The following THSD7A variants were observed in gnomAD, a reference collection of about 807,000 sequenced individuals.
THSD7A encodes thrombospondin type-1 domain-containing protein 7A.
In THSD7A, 96 loss-of-function variants were observed where a neutral mutation model predicts 231.3. That is an observed-to-expected ratio of 0.41 (90% CI 0.35 to 0.49). THSD7A has a LOEUF of 0.49. Among genes scored for constraint, THSD7A ranks in the 20% least tolerant of loss-of-function variants. THSD7A has a pLI of 0.05. For synonymous variants in THSD7A, 940 were observed against 743.3 expected, an observed-to-expected ratio of 1.26 and a Z score of -4.30; for missense variants, 2,290 against 2,070.2, an observed-to-expected ratio of 1.11 and a Z score of -2.06.
At chr7:11,712,834 CAA>C (rs1433758233) in intron 1 of THSD7A, among the ~76,000 whole-genome samples, 1 of 150,924 alleles carries the variant, frequency 6.6e-6, no homozygotes, top group Non-Finnish European at 1.5e-5. Flanking sequence ...AATTTTCTGA[CAA>C]GTTTTCTTAA....
intron 23 of THSD7A, among the ~76,000 whole-genome samples, chr7:11,383,535 G>A (rs1221252707): frequency 6.6e-6 from 1 of 151,866 alleles, no homozygotes; most frequent in South Asian, 2.1e-4. Context: ...CCTGCAAAAG[G>A]TGACAATTTA....
At chr7:11,665,719 C>A (rs2128375382) in intron 1 of THSD7A, among the ~76,000 whole-genome samples, 1 of 152,156 alleles carries the variant, frequency 6.6e-6, no homozygotes, top group African/African-American at 2.4e-5. Flanking sequence ...GGCTCAGTCA[C>A]CTTTTAGCTG....
At chr7:11,705,565 A>G (rs1386820634) in intron 1 of THSD7A, among the ~76,000 whole-genome samples, 1 of 150,946 alleles carries the variant, frequency 6.6e-6, no homozygotes, top group African/African-American at 2.4e-5. Flanking sequence ...CTGCCACACA[A>G]AAGGACAGGG....
chr7:11,729,275 G>A, intron 1 of THSD7A, among the ~76,000 whole-genome samples: 1 of 151,736 alleles, frequency 6.6e-6, no homozygotes. Context: ...AAGATGTGTG[G>A]AGGAAGTTAT....
rs1284184340 is a variant in THSD7A, at chr7:11,447,293, A to C, written c.2737T>G (p.Ser913Ala). Reference protein sequence around the residue: ...CQDDCQLTSWSKFSSCNGDCG... With the variant: ...CQDDCQLTSWAKFSSCNGDCG... ...TCTCCATTGCATGAAGAAAACTTGG[A>C]CCAGCTGGTCAATTGACAGTCATCC... The change falls in exon 12 of 28, where the codon TCC becomes GCC. Residue 913 changes from serine to alanine, a missense_variant. Coordinates refer to ENST00000423059, the MANE Select transcript of THSD7A (RefSeq NM_015204.3). The C allele has an allele frequency of 6.2e-7, 1 of 1,613,074 alleles. No homozygotes were observed. Among genetic ancestry groups the C allele is most frequent in the Admixed American group, 1.7e-5 (1 of 59,844 alleles).
At chr7:11,618,370 T>G (rs1781180587) in intron 2 of THSD7A, among the ~76,000 whole-genome samples, 1 of 152,204 alleles carries the variant, frequency 6.6e-6, no homozygotes, top group Non-Finnish European at 1.5e-5. Flanking sequence ...TAGAAATCAT[T>G]TTCTAAAAAT....
rs368933254 is a variant in THSD7A at position 11,677,939 on chromosome 7, T to C, written c.191-40978A>G. Among the ~76,000 whole-genome samples the C allele has an allele frequency of 5.3e-5, 8 of 152,212 alleles. No homozygotes were observed. The South Asian group carries it at 1.0e-3, about 20-fold the overall frequency. On this transcript the variant is annotated intron_variant, in intron 1 of 27. Coordinates refer to ENST00000423059, the MANE Select transcript of THSD7A (RefSeq NM_015204.3). The stretch of plus-strand genomic sequence containing the variant: ...ACTTATTCTAAAATCAACCACATAA[T>C]TGGAAGTAAAACACTCCTCAGCAAA...
chr7:11,520,802 C>A (rs1190825843), intron 6 of THSD7A, among the ~76,000 whole-genome samples: 1 of 152,094 alleles, frequency 6.6e-6, no homozygotes, highest in African/African-American at 2.4e-5. Context: ...TGTGCTCAAC[C>A]ACAGAAGCCT....
At chr7:11,667,064 T>C (rs1783163747) in intron 1 of THSD7A, among the ~76,000 whole-genome samples, 1 of 152,164 alleles carries the variant, frequency 6.6e-6, no homozygotes, top group Admixed American at 6.6e-5. Flanking sequence ...CAAATTTTTT[T>C]ATTTCAATAG....
intron 13 of THSD7A, among the ~76,000 whole-genome samples, chr7:11,439,915 A>G (rs1478430556): frequency 6.6e-6 from 1 of 152,110 alleles, no homozygotes; most frequent in East Asian, 1.9e-4. Context: ...AGATTTTTCA[A>G]TGTAGATGAA....
chr7:11,817,694 A>G (rs979096163), intron 1 of THSD7A, among the ~76,000 whole-genome samples: 3 of 152,234 alleles, frequency 2.0e-5, no homozygotes, highest in African/African-American at 7.2e-5. Context: ...CCATCTAAGT[A>G]CACTGTAGAT....
At chr7:11,725,927 A>G (rs975291478) in intron 1 of THSD7A, among the ~76,000 whole-genome samples, 2 of 152,070 alleles carry the variant, frequency 1.3e-5, no homozygotes, top group African/African-American at 2.4e-5. Context: ...GTATGCCTCT[A>G]TTACAAATAT....
intron 6 of THSD7A, among the ~76,000 whole-genome samples, chr7:11,487,732 A>G (rs976158344): frequency 6.6e-6 from 1 of 152,100 alleles, no homozygotes; most frequent in Non-Finnish European, 1.5e-5. Flanking sequence ...CCATTGAAAA[A>G]AACTACCAGA....
chr7:11,756,040 CTT>C (rs1383102651), intron 1 of THSD7A, among the ~76,000 whole-genome samples: 1 of 152,028 alleles, frequency 6.6e-6, no homozygotes, highest in African/African-American at 2.4e-5. Flanking sequence ...ATAAAAGACA[CTT>C]ATCTCATAGC....
At chr7:11,716,316 T>C (rs964393948) in intron 1 of THSD7A, among the ~76,000 whole-genome samples, 3 of 151,522 alleles carry the variant, frequency 2.0e-5, no homozygotes, top group African/African-American at 7.3e-5. Context: ...AATTCATATC[T>C]GGTGAGCACA....
intron 1 of THSD7A, among the ~76,000 whole-genome samples, chr7:11,710,795 C>T (rs1780930539): frequency 6.6e-6 from 1 of 150,878 alleles, no homozygotes; most frequent in South Asian, 2.1e-4. Context: ...TTTAGATCAG[C>T]AGCAGCTTAC....
At chr7:11,824,100 A>T (rs1464182427) in intron 1 of THSD7A, among the ~76,000 whole-genome samples, 1 of 152,094 alleles carries the variant, frequency 6.6e-6, no homozygotes, top group East Asian at 1.9e-4. Flanking sequence ...GATGAAAAAA[A>T]TTAGAAAAGA....
chr7:11,613,176 A>G (rs1780990127), intron 2 of THSD7A, among the ~76,000 whole-genome samples: 2 of 152,232 alleles, frequency 1.3e-5, no homozygotes, highest in African/African-American at 2.4e-5. Context: ...GTATCCCACA[A>G]TCTTGGACTT....
chr7:11,799,277 ATACT>A (rs1445691878), intron 1 of THSD7A, among the ~76,000 whole-genome samples: 1 of 152,186 alleles, frequency 6.6e-6, no homozygotes, highest in Non-Finnish European at 1.5e-5. Flanking sequence ...AGCTGCAAGA[ATACT>A]TAGTAAAAGC....
Sources: gnomAD v4.1 joint callset for allele counts (sites outside exome capture counted in the v4.1 genomes callset) on GRCh38, gnomAD v4.1.1 for gene constraint, MANE v1.5 for transcripts, NCBI Gene and HGNC (gene_info 2026-07-23, HGNC 2026-07-21) for gene names.